The following SGCZ variants were observed in gnomAD, a reference collection of about 807,000 sequenced individuals.
SGCZ encodes zeta-sarcoglycan.
In SGCZ, 40 loss-of-function variants were observed where a neutral mutation model predicts 41.3. The observed-to-expected ratio is 0.97, with a 90% confidence interval of 0.75 to 1.26. The LOEUF (loss-of-function observed/expected upper bound fraction) is 1.26, where lower values mean the gene tolerates loss of function less well. Among genes scored for constraint, SGCZ ranks in the 50% most tolerant of loss-of-function variants. SGCZ has a pLI of 0.00. For synonymous variants in SGCZ, 206 were observed against 137.5 expected, an observed-to-expected ratio of 1.50 and a Z score of -3.49; for missense variants, 552 against 369.8, an observed-to-expected ratio of 1.49 and a Z score of -4.04.
intron 1 of SGCZ, among the ~76,000 whole-genome samples, chr8:14,604,365 T>C (rs571393911): frequency 1.3e-5 from 2 of 152,146 alleles, no homozygotes; most frequent in Admixed American, 6.5e-5. Context: ...CCAAGATCAA[T>C]TATTGATGTC....
intron 7 of SGCZ, among the ~76,000 whole-genome samples, chr8:14,100,669 T>G (rs1397998618): frequency 1.3e-5 from 2 of 150,270 alleles, no homozygotes; most frequent in Non-Finnish European, 3.0e-5. Flanking sequence ...ACTTATGGTA[T>G]AATATCTGCT....
intron 1 of SGCZ, among the ~76,000 whole-genome samples, chr8:15,157,066 C>T (rs1406761711): frequency 6.6e-6 from 1 of 151,940 alleles, no homozygotes; most frequent in African/African-American, 2.4e-5. Context: ...AACAGTGAAC[C>T]TCCAATTTAC....
intron 2 of SGCZ, among the ~76,000 whole-genome samples, chr8:14,379,860 T>C (rs112989581): frequency 0.019 from 2,941 of 151,996 alleles, 80 homozygotes; most frequent in African/African-American, 0.055. Flanking sequence ...GCCTCCAGAG[T>C]AGCTGGGATT....
chr8:14,513,221 G>C (rs1802516369), intron 2 of SGCZ, among the ~76,000 whole-genome samples: 1 of 151,930 alleles, frequency 6.6e-6, no homozygotes, highest in Non-Finnish European at 1.5e-5. Context: ...TTTCTTTGTA[G>C]AGACAGGGGT....
intron 5 of SGCZ, among the ~76,000 whole-genome samples, chr8:14,151,280 C>T (rs530297042): frequency 2.0e-4 from 31 of 151,914 alleles, no homozygotes; most frequent in African/African-American, 7.2e-4. Context: ...ATCTCATGTA[C>T]CCCATAAATA....
At chr8:14,861,516 T>C (rs1053377133) in intron 1 of SGCZ, among the ~76,000 whole-genome samples, 6 of 152,148 alleles carry the variant, frequency 3.9e-5, no homozygotes, top group Admixed American at 3.9e-4. Context: ...CCTCTAAAAC[T>C]GGCATTGCAT....
intron 1 of SGCZ, among the ~76,000 whole-genome samples, chr8:14,586,218 T>G (rs1426261009): frequency 6.6e-6 from 1 of 152,112 alleles, no homozygotes; most frequent in East Asian, 1.9e-4. Flanking sequence ...TTTGTTTGTT[T>G]TGTTTTTGTT....
chr8:14,296,103 G>T lies in SGCZ; in HGVS notation c.336+28000C>A, dbSNP rs183798651. Among the ~76,000 whole-genome samples the T allele has an allele frequency of 3.3e-5, 5 of 152,158 alleles. No individual in the cohort carries two copies. The South Asian group carries it at 6.2e-4, about 19-fold the overall frequency. ...AGAAAAGCCAAACATGAAGTCTAAG[G>T]CTACACTAGTTGTAGGCTTGGCCTA... is the stretch of plus-strand genomic sequence containing the variant. On this transcript the variant is annotated intron_variant, in intron 3 of 7. Transcript: ENST00000382080.
chr8:15,135,389 A>G (rs1228810482), intron 1 of SGCZ, among the ~76,000 whole-genome samples: 1 of 152,224 alleles, frequency 6.6e-6, no homozygotes, highest in Non-Finnish European at 1.5e-5. Context: ...GAGCTACAGA[A>G]TGATGTTAAA....
intron 1 of SGCZ, among the ~76,000 whole-genome samples, chr8:14,933,040 G>A (rs1431893961): frequency 6.6e-6 from 1 of 151,854 alleles, no homozygotes; most frequent in African/African-American, 2.4e-5. Context: ...GAGACAATGG[G>A]GACTATGACA....
At chr8:14,149,171 G>C (rs1803618768) in intron 5 of SGCZ, among the ~76,000 whole-genome samples, 1 of 152,058 alleles carries the variant, frequency 6.6e-6, no homozygotes, top group African/African-American at 2.4e-5. Flanking sequence ...CCATAGTACT[G>C]GAAGTACTAG....
intron 1 of SGCZ, among the ~76,000 whole-genome samples, chr8:14,617,545 C>A (rs1806145544): frequency 6.6e-6 from 1 of 152,026 alleles, no homozygotes; most frequent in African/African-American, 2.4e-5. Context: ...TGTATTTTGG[C>A]AAAAACCCAG....
In SGCZ at chr8:14,299,220, C is replaced by A. The variant is rs114481535; in HGVS notation, c.336+24883G>T. On this transcript the variant is annotated intron_variant, in intron 3 of 7. Coordinates refer to ENST00000382080, the MANE Select transcript of SGCZ (RefSeq NM_139167.4). ...CATAAAAGATACAGCTATAAAGCTTCTAGGAGAGAACACGGTAGAAAATAT... is the reference window on the plus strand; with the variant it reads ...CATAAAAGATACAGCTATAAAGCTTATAGGAGAGAACACGGTAGAAAATAT... Among the ~76,000 whole-genome samples, 498 of 152,044 alleles carry A rather than the reference C, an allele frequency of 3.3e-3. 3 individuals carry two copies. The highest frequency in any genetic ancestry group is 0.011 in the African/African-American group (462 of 41,528).
chr8:14,741,058 G>A (rs1470584407), intron 1 of SGCZ, among the ~76,000 whole-genome samples: 1 of 151,938 alleles, frequency 6.6e-6, no homozygotes, highest in Non-Finnish European at 1.5e-5. Flanking sequence ...AGCAGGTGAG[G>A]GAACAAAGGT....
At chr8:15,207,965 T>C (rs1298835625) in intron 1 of SGCZ, among the ~76,000 whole-genome samples, 1 of 152,248 alleles carries the variant, frequency 6.6e-6, no homozygotes, top group Admixed American at 6.5e-5. Flanking sequence ...ATGTCTGTCA[T>C]TTCCTTTGTT....
At chr8:14,109,281 C>A (rs545504212) in intron 5 of SGCZ, among the ~76,000 whole-genome samples, 2 of 152,142 alleles carry the variant, frequency 1.3e-5, no homozygotes, top group Non-Finnish European at 2.9e-5. Flanking sequence ...TTTACTGAAT[C>A]CATTTTTTTC....
intron 1 of SGCZ, among the ~76,000 whole-genome samples, chr8:15,095,704 G>A (rs1330671102): frequency 1.3e-5 from 2 of 152,060 alleles, no homozygotes; most frequent in East Asian, 3.9e-4. Flanking sequence ...CCCCACACCT[G>A]AAGGGACCAA....
intron 1 of SGCZ, among the ~76,000 whole-genome samples, chr8:14,697,080 A>C (rs1199638524): frequency 1.3e-5 from 2 of 152,032 alleles, no homozygotes; most frequent in African/African-American, 4.8e-5. Context: ...CCAGCAACAG[A>C]GATTAAAATC....
At chr8:14,481,161 A>AAAAT (rs1554524511) in intron 2 of SGCZ, among the ~76,000 whole-genome samples, 82 of 152,270 alleles carry the variant, frequency 5.4e-4, no homozygotes, top group African/African-American at 1.8e-3. Context: ...CACATTATAC[A>AAAAT]AAATATGAAA....
Sources: gnomAD v4.1 joint callset for allele counts (sites outside exome capture counted in the v4.1 genomes callset) on GRCh38, gnomAD v4.1.1 for gene constraint, MANE v1.5 for transcripts, NCBI Gene and HGNC (gene_info 2026-07-23, HGNC 2026-07-21) for gene names.